Variants in TTC38 observed in about 807,000 individuals in gnomAD.
The protein encoded by TTC38 is tetratricopeptide repeat domain 38.
TTC38 carries 64 observed loss-of-function variants against 64.2 expected under a neutral mutation model. The observed-to-expected ratio is 1.00, with a 90% CI of 0.81 to 1.23. TTC38 has a LOEUF of 1.23. Ranked by LOEUF, TTC38 falls within the 50% of genes most tolerant of loss-of-function variation. TTC38 has a pLI of 0.00. For missense variants in TTC38, 573 were observed against 615.5 expected (o/e 0.93, Z 0.73); for synonymous variants, 254 against 249.3 (o/e 1.02, Z -0.18).
intron 5 of TTC38, among the ~76,000 whole-genome samples, chr22:46,277,039 A>G (rs1334361157): frequency 1.4e-5 from 1 of 71,988 alleles, no homozygotes; most frequent in African/African-American, 6.5e-5. Context: ...CAATACATAT[A>G]TATACATACA....
chr22:46,289,987 G>T, intron 13 of TTC38, 88 bp downstream of exon 13: 1 of 1,175,412 alleles, frequency 8.5e-7, no homozygotes, highest in South Asian at 1.2e-5. Context: ...CACCACCCTT[G>T]GCCCGAGATG....
intron 11 of TTC38, 133 bp downstream of exon 11, chr22:46,288,721 AGCT>A (rs2077590002): frequency 5.6e-6 from 5 of 891,662 alleles, no homozygotes; most frequent in African/African-American, 1.7e-5. Flanking sequence ...CCATGGAGGC[AGCT>A]CCCAGGTGTG....
At chr22:46,288,681 C>A in intron 11 of TTC38, 93 bp downstream of exon 11, 9 of 1,313,672 alleles carry the variant, frequency 6.9e-6, no homozygotes, top group Non-Finnish European at 9.5e-6. Context: ...TCAGTGCCTG[C>A]CCCGCCTGTG....
At chr22:46,279,087 G>A (rs1161630461) in intron 6 of TTC38, among the ~76,000 whole-genome samples, 1 of 152,196 alleles carries the variant, frequency 6.6e-6, no homozygotes, top group Non-Finnish European at 1.5e-5. Flanking sequence ...CCTGAACTTC[G>A]CATTTCTAAG....
intron 13 of TTC38, among the ~76,000 whole-genome samples, chr22:46,290,559 GTGGTGTGGCTGGAGGGTGAGTGTTAGGA>G (rs2077607420): frequency 7.8e-6 from 1 of 128,686 alleles, no homozygotes; most frequent in African/African-American, 2.8e-5. Flanking sequence ...TGTTAGGAGG[GTGGTGTGGCTGGAGGGTGAGTGTTAGGA>G]GGGTGGCGTG....
chr22:46,287,871 G>A (rs1358880212), intron 10 of TTC38, among the ~76,000 whole-genome samples: 1 of 152,254 alleles, frequency 6.6e-6, no homozygotes, highest in Non-Finnish European at 1.5e-5. Context: ...AAGGGAAAGA[G>A]TTACTCTCAG....
In TTC38 at chr22:46,275,159, T is replaced by C; in HGVS notation, c.366-89T>C. 7.8e-7 allele frequency: 1 copy of C among 1,284,616 alleles called. No individual in the cohort carries two copies. The highest frequency in any genetic ancestry group is 1.1e-6 in the Non-Finnish European group (1 of 916,654). The allele number at this position is 1,284,616 out of a possible 1,614,324, so 79.6% of individuals were successfully genotyped here. A position where few individuals can be genotyped will look rare whatever the true frequency, so the allele number is the denominator to read the frequency against. ...TAAAAAAACACATCCATGTAGACCA[T>C]GACACTGGTGAGAAACAATGCCTCT... On this transcript the variant is annotated intron_variant, in intron 4 of 13. Transcript: ENST00000381031. The surrounding 1 kb of genome is among the most constrained non-coding windows in gnomAD (Gnocchi z 4.5).
Position 46,272,534 on chromosome 22 carries a change from G to A in TTC38, c.193+118G>A, listed in dbSNP as rs1936918253. 1 of 781,506 alleles carries A rather than the reference G, an allele frequency of 1.3e-6. No individual in the cohort carries two copies. The highest frequency in any genetic ancestry group is 1.7e-5 in the African/African-American group (1 of 57,928). 48.4% of individuals were successfully genotyped at this position (781,506 alleles called of 1,614,324 possible). A position where few individuals can be genotyped will look rare whatever the true frequency, so the allele number is the denominator to read the frequency against. On this transcript the variant is annotated intron_variant, in intron 3 of 13. Transcript: ENST00000381031. The surrounding 1 kb of genome is among the most constrained non-coding windows in gnomAD (Gnocchi z 6.4). ...GGCAGGTTGGGTGGCAGCAACCAGG[G>A]TGGCATTTGCACAGAGGGAGAGAAG...
At position 46,275,509 on chromosome 22, in the gene TTC38, T is replaced by A. The variant is rs904940622; in HGVS notation, c.539+88T>A. 27 of 1,318,668 alleles carry A rather than the reference T, an allele frequency of 2.0e-5. No homozygotes were observed. In the African/African-American group the frequency reaches 2.5e-4, roughly 12 times the overall value. 81.7% of individuals were successfully genotyped at this position (1,318,668 alleles called of 1,614,324 possible). A position where few individuals can be genotyped will look rare whatever the true frequency, so the allele number is the denominator to read the frequency against. Reference sequence around the variant, plus strand: ...TATGGTGACTCTCTTGGCCCTGTCCTAAAAATAATGGGACCACTGTTGCTA... The same window carrying A: ...TATGGTGACTCTCTTGGCCCTGTCCAAAAAATAATGGGACCACTGTTGCTA... On this transcript the variant is annotated intron_variant, in intron 5 of 13. Transcript: ENST00000381031. The surrounding 1 kb of genome is among the most constrained non-coding windows in gnomAD (Gnocchi z 4.5).
chr22:46,268,539 T>C lies in TTC38; in HGVS notation c.59T>C (p.Leu20Pro), dbSNP rs1338118655. 2 of 1,613,950 alleles carry C rather than the reference T, an allele frequency of 1.2e-6. No individual in the cohort carries two copies. The highest frequency in any genetic ancestry group is 2.7e-5 in the African/African-American group (2 of 75,004). ...CQAWKDARLP[L>P]STTSNEACKL... The stretch of plus-strand genomic sequence containing the variant: ...GCCTGGAAGGATGCGAGGCTCCCGC[T>C]CTCCACCACAAGCAACGAAGCCTGC... The change falls in exon 2 of 14, where the codon CTC (leucine) becomes CCC (proline). Residue 20 changes from leucine to proline, a missense_variant. Leu to Pro is a moderately conservative substitution (Grantham distance 98). Coordinates refer to ENST00000381031, the MANE Select transcript of TTC38 (RefSeq NM_017931.4).
chr22:46,293,163 G>A lies in TTC38; in HGVS notation c.*279G>A. ...CTGCCTTGCAAATTCTGTTTCCCAG[G>A]GGAATGTGTCTACTGCCTGGTGGTT... On this transcript the variant is annotated 3_prime_UTR_variant, in exon 14 of 14. Coordinates refer to ENST00000381031, the MANE Select transcript of TTC38 (RefSeq NM_017931.4). The surrounding 1 kb of genome is among the most constrained non-coding windows in gnomAD (Gnocchi z 6.6). The A allele has an allele frequency of 2.4e-6, 1 of 420,968 alleles. No individual in the cohort carries two copies. The highest frequency in any genetic ancestry group is 4.4e-6 in the Non-Finnish European group (1 of 224,996). 26.1% of individuals were successfully genotyped at this position (420,968 alleles called of 1,614,324 possible). A position where few individuals can be genotyped will look rare whatever the true frequency, so the allele number is the denominator to read the frequency against.
intron 6 of TTC38, among the ~76,000 whole-genome samples, chr22:46,279,528 C>T (rs981523553): frequency 6.6e-6 from 1 of 152,260 alleles, no homozygotes; most frequent in Non-Finnish European, 1.5e-5. Context: ...GCTGTCCTTT[C>T]AGCTGCCTGC....
chr22:46,287,917 A>G (rs1406541866), intron 10 of TTC38, among the ~76,000 whole-genome samples: 1 of 152,210 alleles, frequency 6.6e-6, no homozygotes, highest in African/African-American at 2.4e-5. Flanking sequence ...GGGACATAGA[A>G]GCCAGCAGCC....
At chr22:46,286,696 G>T (rs2077574324) in intron 9 of TTC38, among the ~76,000 whole-genome samples, 1 of 152,086 alleles carries the variant, frequency 6.6e-6, no homozygotes, top group African/African-American at 2.4e-5. Flanking sequence ...GAAATGAAGG[G>T]TGACATACAC....
chr22:46,283,639 G>T (rs1286565164), intron 7 of TTC38, among the ~76,000 whole-genome samples: 1 of 152,028 alleles, frequency 6.6e-6, no homozygotes, highest in Non-Finnish European at 1.5e-5. Context: ...ATCACCTGAG[G>T]TCAGAAGTTC....
chr22:46,290,605 GGTGA>G (rs1275148407), intron 13 of TTC38, among the ~76,000 whole-genome samples: 2 of 148,352 alleles, frequency 1.3e-5, no homozygotes, highest in Admixed American at 1.3e-4. Flanking sequence ...GTGGCTGGAG[GGTGA>G]GTGTTAGGAG....
chr22:46,268,454 G>A, intron 1 of TTC38, 60 bp from the exon 2 acceptor site: 6 of 1,558,926 alleles, frequency 3.8e-6, no homozygotes, highest in African/African-American at 1.4e-5. Context: ...ACGTGTGTGT[G>A]TTGAAGTTTG....
At chr22:46,277,046 TAC>T (rs4044315) in intron 5 of TTC38, among the ~76,000 whole-genome samples, 72,982 of 130,888 alleles carry the variant, frequency 0.56, 20,351 homozygotes, top group East Asian at 0.84. Flanking sequence ...TATATATACA[TAC>T]ACACACACAC....
Position 46,275,183 on chromosome 22 carries a change from C to G in TTC38, c.366-65C>G. ...ATGACACTGGTGAGAAACAATGCCT[C>G]TTACACTCCCTGTGTGGGTGGACTA... On this transcript the variant is annotated intron_variant, in intron 4 of 13. Coordinates refer to ENST00000381031, the MANE Select transcript of TTC38 (RefSeq NM_017931.4). The surrounding 1 kb of genome is among the most constrained non-coding windows in gnomAD (Gnocchi z 4.5). 1.3e-6 allele frequency: 2 copies of G among 1,484,012 alleles called. No homozygotes were observed. The highest frequency in any genetic ancestry group is 1.8e-6 in the Non-Finnish European group (2 of 1,081,958). 91.9% of individuals were successfully genotyped at this position (1,484,012 alleles called of 1,614,324 possible).
Sources: allele counts gnomAD v4.1 joint callset (sites outside exome capture counted in the v4.1 genomes callset), GRCh38; gene constraint gnomAD v4.1.1; non-coding constraint Gnocchi (gnomAD v3.1); transcripts MANE v1.5; gene names NCBI Gene and HGNC (gene_info 2026-07-23, HGNC 2026-07-21).